DIO2: variants seen among roughly 807,000 people sequenced by gnomAD.
The protein encoded by DIO2 is type II iodothyronine deiodinase.
In DIO2, 19 loss-of-function variants were observed where a neutral mutation model predicts 21.4. The ratio of observed to expected loss-of-function variants is 0.89; its 90% CI spans 0.62 to 1.30. The LOEUF is 1.30. Among genes scored for constraint, DIO2 ranks in the 50% most tolerant of loss-of-function variants. The probability of loss-of-function intolerance (pLI) is 0.00; values close to 1 mark genes in which losing one functional copy is unlikely to be tolerated. For missense variants in DIO2, 302 were observed against 338.1 expected (o/e 0.89, Z 0.84); for synonymous variants, 122 against 132.9 (o/e 0.92, Z 0.57).
At chr14:80,212,480 T>C (rs1345405944), upstream of DIO2, among the ~76,000 whole-genome samples, 4 of 152,116 alleles carry the variant, frequency 2.6e-5, no homozygotes, top group Non-Finnish European at 4.4e-5. Flanking sequence ...TGCAGATTGA[T>C]ATGGCCAACA....
At chr14:80,210,561 C>G (rs1888137985) in intron 1 of DIO2, among the ~76,000 whole-genome samples, 1 of 152,078 alleles carries the variant, frequency 6.6e-6, no homozygotes, top group African/African-American at 2.4e-5. Context: ...CTTACAAATG[C>G]TGGATTTCTG....
chr14:80,213,679 C>T (rs747105428), upstream of DIO2, among the ~76,000 whole-genome samples: 2 of 151,966 alleles, frequency 1.3e-5, no homozygotes, highest in African/African-American at 2.4e-5. Context: ...AATGAATGAA[C>T]AGGGCATGTA....
At chr14:80,214,802 G>T (rs1219528792), upstream of DIO2, among the ~76,000 whole-genome samples, 1 of 152,114 alleles carries the variant, frequency 6.6e-6, no homozygotes, top group Non-Finnish European at 1.5e-5. Flanking sequence ...AGGTGACAGA[G>T]TATGACTTTT....
Position 80,209,428 on chromosome 14 carries a change from ACT to A in DIO2, c.222+1821_222+1822del, listed in dbSNP as rs1888077839. Among the ~76,000 whole-genome samples, 5 of 152,058 alleles carry A rather than the reference ACT, an allele frequency of 3.3e-5. No individual in the cohort carries two copies. In the South Asian group the frequency reaches 1.0e-3, roughly 32 times the overall value. ...GAGTTTAATATACTGAGATCAAATC[ACT>A]GATATTTCCATGGTATCTGCTAACA... On this transcript the variant is annotated intron_variant, in intron 1 of 1. Coordinates refer to ENST00000438257, the MANE Select transcript of DIO2 (RefSeq NM_013989.5).
rs1887679392 is a variant in DIO2, at chr14:80,200,656, T to G, written c.*2033A>C. 1 of 152,184 alleles carries G rather than the reference T, an allele frequency of 6.6e-6. No homozygotes were observed. 9.4% of individuals were successfully genotyped at this position (152,184 alleles called of 1,614,324 possible). Reference sequence around the variant, plus strand: ...CTGAAATAATTATTCTCAATATGATTTTCCAGCAACTCATTAGATAATGAA... The same window carrying G: ...CTGAAATAATTATTCTCAATATGATGTTCCAGCAACTCATTAGATAATGAA... On this transcript the variant is annotated 3_prime_UTR_variant, in exon 2 of 2. Coordinates refer to ENST00000438257, the MANE Select transcript of DIO2 (RefSeq NM_013989.5).
In DIO2 at chr14:80,202,272, T is replaced by C; in HGVS notation, c.*417A>G. On this transcript the variant is annotated 3_prime_UTR_variant, in exon 2 of 2. Coordinates refer to ENST00000438257, the MANE Select transcript of DIO2 (RefSeq NM_013989.5). ...TTGGGAATTTTCCAACTGGGCTCCA[T>C]CCATGCCAAATAGAGCCAAGGCAAT... is the stretch of plus-strand genomic sequence containing the variant. 1.9e-6 allele frequency: 1 copy of C among 518,426 alleles called. No individual in the cohort carries two copies. The highest frequency in any genetic ancestry group is 3.8e-6 in the Non-Finnish European group (1 of 260,612). The allele number at this position is 518,426 out of a possible 1,614,324, so 32.1% of individuals were successfully genotyped here. A position where few individuals can be genotyped will look rare whatever the true frequency, so the allele number is the denominator to read the frequency against.
In DIO2 at chr14:80,200,132, C is replaced by T. The variant is rs1887656820; in HGVS notation, c.*2557G>A. The T allele has an allele frequency of 6.6e-6, 1 of 152,554 alleles. No individual in the cohort carries two copies. The highest frequency in any genetic ancestry group is 2.4e-5 in the African/African-American group (1 of 41,412). The allele number at this position is 152,554 out of a possible 1,614,324, so 9.5% of individuals were successfully genotyped here. A position where few individuals can be genotyped will look rare whatever the true frequency, so the allele number is the denominator to read the frequency against. ...ATTACAGGCTTAACCCTGATAACACCAAGACATTCTACATAGCGTAGGATT... is the reference window on the plus strand; with the variant it reads ...ATTACAGGCTTAACCCTGATAACACTAAGACATTCTACATAGCGTAGGATT... On this transcript the variant is annotated 3_prime_UTR_variant, in exon 2 of 2. Transcript: ENST00000438257.
intron 2 of DIO2, among the ~76,000 whole-genome samples, chr14:80,218,742 C>G (rs1888404317): frequency 6.6e-6 from 1 of 152,146 alleles, no homozygotes; most frequent in Admixed American, 6.5e-5. Flanking sequence ...CTTTGGGAGG[C>G]CAAGGTGGGT....
chr14:80,215,247 T>C (rs939292076), upstream of DIO2, among the ~76,000 whole-genome samples: 1 of 152,220 alleles, frequency 6.6e-6, no homozygotes, highest in Admixed American at 6.5e-5. Flanking sequence ...TTGGGCTTTT[T>C]ATGAAAAAAC....
chr14:80,211,497 C>T lies in DIO2; in HGVS notation c.-25G>A. 2.1e-6 allele frequency: 3 copies of T among 1,448,846 alleles called. No homozygotes were observed. Among genetic ancestry groups the T allele is most frequent in the Non-Finnish European group, 2.8e-6 (3 of 1,077,664 alleles). The allele number at this position is 1,448,846 out of a possible 1,614,324, so 89.7% of individuals were successfully genotyped here. On this transcript the variant is annotated 5_prime_UTR_variant, in exon 1 of 2. Transcript: ENST00000438257. ...TCTTCTCTGCCTCCTGAGTCAGTTC[C>T]CTTGTGCGCTCTGGTTCCCCTTCAC...
upstream of DIO2, among the ~76,000 whole-genome samples, chr14:80,212,846 G>GAA (rs57172413): frequency 3.2e-4 from 36 of 114,076 alleles, no homozygotes; most frequent in African/African-American, 8.1e-4. Flanking sequence ...AGCTTCTAAT[G>GAA]AAAAAAAAAA....
rs948153056 is a variant in DIO2, at chr14:80,200,149, C to G, written c.*2540G>C. The G allele has an allele frequency of 6.6e-6, 1 of 152,594 alleles. No homozygotes were observed. 9.5% of individuals were successfully genotyped at this position (152,594 alleles called of 1,614,324 possible). ...GATAACACCAAGACATTCTACATAG[C>G]GTAGGATTCCTGAGCTTTGTCCATT... On this transcript the variant is annotated 3_prime_UTR_variant, in exon 2 of 2. Transcript: ENST00000438257.
At chr14:80,217,609 T>C (rs907583884) in intron 2 of DIO2, among the ~76,000 whole-genome samples, 6 of 152,200 alleles carry the variant, frequency 3.9e-5, no homozygotes, top group African/African-American at 1.4e-4. Flanking sequence ...GGGAGTCTTT[T>C]ATCAAGATGT....
At chr14:80,210,601 A>G (rs138955911) in intron 1 of DIO2, among the ~76,000 whole-genome samples, 6 of 152,318 alleles carry the variant, frequency 3.9e-5, no homozygotes, top group African/African-American at 1.4e-4. Context: ...TTCTTTCGCA[A>G]GTTGATATCT....
At chr14:80,205,249 C>A (rs1453267262) in intron 1 of DIO2, among the ~76,000 whole-genome samples, 1 of 151,724 alleles carries the variant, frequency 6.6e-6, no homozygotes, top group Non-Finnish European at 1.5e-5. Context: ...CTCTTTAGAT[C>A]TTTCCCATTT....
rs1015857830 is a variant in DIO2, at chr14:80,211,171, C to T, written c.222+80G>A. 9 of 1,369,330 alleles carry T rather than the reference C, an allele frequency of 6.6e-6. No homozygotes were observed. In the African/African-American group the frequency reaches 1.1e-4, roughly 17 times the overall value. The allele number at this position is 1,369,330 out of a possible 1,614,324, so 84.8% of individuals were successfully genotyped here. On this transcript the variant is annotated intron_variant, in intron 1 of 1. Coordinates refer to ENST00000438257, the MANE Select transcript of DIO2 (RefSeq NM_013989.5). ...GGGCTTCACAGCTCTCCCCCCAATGCTCCCAATGGCCTCTGGTCCCCAGCA... is the reference window on the plus strand; with the variant it reads ...GGGCTTCACAGCTCTCCCCCCAATGTTCCCAATGGCCTCTGGTCCCCAGCA...
intron 2 of DIO2, among the ~76,000 whole-genome samples, chr14:80,217,430 GTT>G (rs1037590819): frequency 3.3e-5 from 5 of 152,110 alleles, no homozygotes; most frequent in African/African-American, 1.2e-4. Flanking sequence ...TTATTGTTCT[GTT>G]TCCATTTCAA....
rs974601773 is a variant in DIO2, at chr14:80,198,252, G to A, written c.*4437C>T. On this transcript the variant is annotated 3_prime_UTR_variant, in exon 2 of 2. Transcript: ENST00000438257. Reference sequence around the variant, plus strand: ...TGAATAAGCTCCCTGGAGCTCTGCTGTTGCTGCCTAAGACGGGTAGCCAGC... The same window carrying A: ...TGAATAAGCTCCCTGGAGCTCTGCTATTGCTGCCTAAGACGGGTAGCCAGC... 6 of 152,610 alleles carry A rather than the reference G, an allele frequency of 3.9e-5. No individual in the cohort carries two copies. Among genetic ancestry groups the A allele is most frequent in the Non-Finnish European group, 8.8e-5 (6 of 68,048 alleles). The allele number at this position is 152,610 out of a possible 1,614,324, so 9.5% of individuals were successfully genotyped here. A position where few individuals can be genotyped will look rare whatever the true frequency, so the allele number is the denominator to read the frequency against.
chr14:80,227,262 G>T (rs1888595214), intron 2 of DIO2, among the ~76,000 whole-genome samples: 3 of 152,176 alleles, frequency 2.0e-5, no homozygotes, highest in Admixed American at 2.0e-4. Flanking sequence ...CATTGGTGTA[G>T]GCTGGGGAAG....
Sources: allele counts gnomAD v4.1 joint callset (sites outside exome capture counted in the v4.1 genomes callset), GRCh38; gene constraint gnomAD v4.1.1; transcripts MANE v1.5; gene names NCBI Gene and HGNC (gene_info 2026-07-23, HGNC 2026-07-21).